The following MED17 variants were observed in gnomAD, a reference collection of about 807,000 sequenced individuals.
The protein encoded by MED17 is mediator complex subunit 17, also known as mediator of RNA polymerase II transcription subunit 17.
In MED17, 49 loss-of-function variants were observed where a neutral mutation model predicts 80.8. The ratio of observed to expected loss-of-function variants is 0.61; its 90% CI spans 0.48 to 0.77. MED17 has a LOEUF of 0.77. Among genes scored for constraint, MED17 ranks in the 30% least tolerant of loss-of-function variants. The probability of loss-of-function intolerance (pLI) is 0.00; values close to 1 mark genes in which losing one functional copy is unlikely to be tolerated. For synonymous variants in MED17, 281 were observed against 280.4 expected (o/e 1.00, Z -0.02); for missense variants, 718 against 787.0 (o/e 0.91, Z 1.05).
Position 93,804,023 on chromosome 11 carries a change from A to ATATATATT in MED17, c.1466+2055_1466+2056insTATTTATA. ...TGTATATATATATATATATATATAT[A>ATATATATT]TATACACACACACATATACACACGC... On this transcript the variant is annotated intron_variant, in intron 9 of 11. Coordinates refer to ENST00000251871, the MANE Select transcript of MED17 (RefSeq NM_004268.5). 2.3e-4 allele frequency among the ~76,000 whole-genome samples: 2 copies of ATATATATT among 8,862 alleles called. 1 individual carries two copies. The highest frequency in any genetic ancestry group is 0.011 in the South Asian group (2 of 180). 5.8% of individuals were successfully genotyped at this position (8,862 alleles called of 152,430 possible).
chr11:93,802,809 T>TGGTTTTTGTCCCCAGGC (rs1943976662), intron 9 of MED17, among the ~76,000 whole-genome samples: 1 of 152,154 alleles, frequency 6.6e-6, no homozygotes, highest in African/African-American at 2.4e-5. Context: ...GGAGGTAAGA[T>TGGTTTTTGTCCCCAGGC]GGTTTTTGTC....
intron 11 of MED17, chr11:93,811,152 A>G (rs1944082174): frequency 6.6e-6 from 1 of 152,306 alleles, no homozygotes; most frequent in African/African-American, 2.4e-5. Context: ...TGAATCTGCA[A>G]GCTTGGTCAT....
At chr11:93,807,777 T>C in intron 10 of MED17, 142 bp downstream of exon 10, 1 of 716,648 alleles carries the variant, frequency 1.4e-6, no homozygotes. Flanking sequence ...TTCTGTTTAA[T>C]TTCTAATGCA....
rs144572834 is a variant in MED17 at position 93,805,304 on chromosome 11, A to G, written c.1467-2214A>G. On this transcript the variant is annotated intron_variant, in intron 9 of 11. Transcript: ENST00000251871. Reference sequence around the variant, plus strand: ...AAGTATAATTGCTGGGTTAAAAGAGAAGGACATTTGGCTGGGCACAGTGGC... The same window carrying G: ...AAGTATAATTGCTGGGTTAAAAGAGGAGGACATTTGGCTGGGCACAGTGGC... Among the ~76,000 whole-genome samples, 175 of 152,310 alleles carry G rather than the reference A, an allele frequency of 1.1e-3. 2 individuals are homozygous for G. The highest frequency in any genetic ancestry group is 2.4e-3 in the Admixed American group (36 of 15,300).
At chr11:93,786,681 T>C (rs933493469) in intron 1 of MED17, among the ~76,000 whole-genome samples, 1 of 152,158 alleles carries the variant, frequency 6.6e-6, no homozygotes, top group Non-Finnish European at 1.5e-5. Context: ...TTGGCCAGGC[T>C]GGTCTTAAAT....
chr11:93,811,538 A>G (rs1249401273), intron 11 of MED17: 2 of 323,296 alleles, frequency 6.2e-6, no homozygotes, highest in Non-Finnish European at 1.2e-5. Context: ...TGTGTTTTTC[A>G]GTGCTGCATG....
At chr11:93,794,753 T>A (rs1943882608) in intron 5 of MED17, 155 bp from the exon 6 acceptor site, 1 of 783,678 alleles carries the variant, frequency 1.3e-6, no homozygotes, top group African/African-American at 1.8e-5. Context: ...ATTGGCAATT[T>A]TTGACAGTCT....
intron 11 of MED17, chr11:93,811,078 C>T (rs556277155): frequency 6.6e-6 from 1 of 152,412 alleles, no homozygotes; most frequent in South Asian, 2.1e-4. Context: ...AAATGTTACG[C>T]AGCTCATGAC....
At chr11:93,795,107 G>GGGGGA in intron 6 of MED17, 47 bp downstream of exon 6, 1 of 1,600,770 alleles carries the variant, frequency 6.2e-7, no homozygotes, top group Non-Finnish European at 8.6e-7. Context: ...TTTGTGTTTT[G>GGGGGA]GGGGACTAGG....
At chr11:93,806,907 A>G (rs1944031097) in intron 9 of MED17, 1 of 152,448 alleles carries the variant, frequency 6.6e-6, no homozygotes, top group Non-Finnish European at 1.5e-5. Flanking sequence ...CAGGGCCCAC[A>G]TATACCCAAT....
At position 93,790,630 on chromosome 11, in the gene MED17, A is replaced by G. The variant is rs1943824652; in HGVS notation, c.474A>G (p.Gln158=). The G allele has an allele frequency of 1.2e-6, 2 of 1,614,194 alleles. No individual in the cohort carries two copies. The highest frequency in any genetic ancestry group is 1.7e-6 in the Non-Finnish European group (2 of 1,180,040). Reference sequence around the variant, plus strand: ...AGAAGTCACTTGCTGGAGCAGCACAAATCTTATTGAAGGGGGCAGAAAGAC... The same window carrying G: ...AGAAGTCACTTGCTGGAGCAGCACAGATCTTATTGAAGGGGGCAGAAAGAC... ...SKKKSLAGAA[Q]ILLKGAERLT... The change falls in exon 3 of 12, where the codon CAA becomes CAG. Residue 158 remains glutamine, a synonymous_variant. Coordinates refer to ENST00000251871, the MANE Select transcript of MED17 (RefSeq NM_004268.5).
At chr11:93,796,598 T>G in intron 7 of MED17, 58 bp downstream of exon 7, 2 of 1,589,000 alleles carry the variant, frequency 1.3e-6, no homozygotes, top group South Asian at 2.2e-5. Context: ...GCAGTGAGTA[T>G]GCACAAAGCT....
chr11:93,788,780 G>A (rs1487517967), intron 2 of MED17: 2 of 151,924 alleles, frequency 1.3e-5, no homozygotes, highest in East Asian at 1.9e-4. Context: ...ACACAAAAAT[G>A]TGATGATATA....
chr11:93,810,832 T>C (rs115326245), intron 11 of MED17: 8 of 152,366 alleles, frequency 5.3e-5, no homozygotes, highest in African/African-American at 1.7e-4. Context: ...TCTGACTACT[T>C]TAAAAATACA....
At chr11:93,793,427 C>T in intron 3 of MED17, 2 of 305,236 alleles carry the variant, frequency 6.6e-6, no homozygotes, top group South Asian at 3.1e-5. Flanking sequence ...TGTGAGTACA[C>T]CCATTTTTAT....
At chr11:93,807,477 A>G (rs1047060876) in intron 9 of MED17, 41 bp from the exon 10 acceptor site, 7 of 1,025,256 alleles carry the variant, frequency 6.8e-6, no homozygotes, top group Non-Finnish European at 1.1e-5. Context: ...GTATAAGATA[A>G]TTTTGAACAT....
At chr11:93,788,362 G>A (rs1943793374) in intron 2 of MED17, 195 bp downstream of exon 2, 5 of 523,106 alleles carry the variant, frequency 9.6e-6, no homozygotes, top group Admixed American at 3.3e-5. Context: ...TATGATCCTT[G>A]GAAGAGTTAA....
At chr11:93,809,944 T>A (rs1591392029) in intron 11 of MED17, 68 bp downstream of exon 11, 1 of 1,473,082 alleles carries the variant, frequency 6.8e-7, no homozygotes, top group East Asian at 2.3e-5. Flanking sequence ...GTTTTAATAA[T>A]TAAATATGGG....
rs927380597 is a variant in MED17, at chr11:93,813,483, A to G, written c.*1419A>G. 1 of 152,202 alleles carries G rather than the reference A, an allele frequency of 6.6e-6. No individual in the cohort carries two copies. The highest frequency in any genetic ancestry group is 2.4e-5 in the African/African-American group (1 of 41,452). 9.4% of individuals were successfully genotyped at this position (152,202 alleles called of 1,614,324 possible). ...TTGCCTGCAAAATTTGCCTTGGTCA[A>G]TAGGCTAATCTGCACAATTCCACTC... is the stretch of plus-strand genomic sequence containing the variant. On this transcript the variant is annotated 3_prime_UTR_variant, in exon 12 of 12. Coordinates refer to ENST00000251871, the MANE Select transcript of MED17 (RefSeq NM_004268.5).
Sources: allele counts gnomAD v4.1 joint callset (sites outside exome capture counted in the v4.1 genomes callset), GRCh38; gene constraint gnomAD v4.1.1; transcripts MANE v1.5; gene names NCBI Gene and HGNC (gene_info 2026-07-23, HGNC 2026-07-21).